Variants in TNKS observed in about 807,000 individuals in gnomAD.
TNKS encodes the protein tankyrase.
In TNKS, 72 loss-of-function variants were observed where a neutral mutation model predicts 135.8. That is an observed-to-expected ratio of 0.53 (90% CI 0.44 to 0.64). TNKS has a LOEUF of 0.64. Among genes scored for constraint, TNKS ranks in the 30% least tolerant of loss-of-function variants. The pLI is 0.00. For missense variants in TNKS, 1,769 were observed against 1,674.0 expected, an observed-to-expected ratio of 1.06 and a Z score of -0.99; for synonymous variants, 849 against 649.3, an observed-to-expected ratio of 1.31 and a Z score of -4.68.
At chr8:9,662,873 G>A (rs1000611185) in intron 3 of TNKS, among the ~76,000 whole-genome samples, 1 of 152,160 alleles carries the variant, frequency 6.6e-6, no homozygotes, top group African/African-American at 2.4e-5. Flanking sequence ...CAGAATACTA[G>A]CCCCCATAGA....
At chr8:9,710,267 C>T in intron 11 of TNKS, 47 bp downstream of exon 11, 2 of 1,551,344 alleles carry the variant, frequency 1.3e-6, no homozygotes, top group Non-Finnish European at 1.8e-6. Flanking sequence ...ACTGAGCAGC[C>T]AGCTGCTCTT....
chr8:9,666,307 A>G (rs1029885620), intron 3 of TNKS, among the ~76,000 whole-genome samples: 2 of 152,260 alleles, frequency 1.3e-5, no homozygotes, highest in East Asian at 1.9e-4. Flanking sequence ...GAAGTTTACA[A>G]TTACATAGGA....
At position 9,556,466 on chromosome 8, in the gene TNKS, T is replaced by G. The variant is rs1585161345; in HGVS notation, c.527T>G (p.Val176Gly). Residue 176 changes from valine to glycine, a missense_variant, in exon 1 of 27, where the codon GTC becomes GGC. This residue lies in a region of TNKS where 450 missense variants were observed against 304.9 expected (regional missense o/e 1.48). Transcript: ENST00000310430. ...GPGAAGPGTG[V>G]PAVSGALREL... ...GGGGCAGCAGGACCTGGGACAGGGG[T>G]CCCAGCAGTGAGCGGGGCCCTACGG... The G allele has an allele frequency of 6.2e-7, 1 of 1,613,810 alleles. No individual in the cohort carries two copies. The highest frequency in any genetic ancestry group is 8.5e-7 in the Non-Finnish European group (1 of 1,180,002).
chr8:9,702,300 C>T (rs189100210), intron 5 of TNKS, among the ~76,000 whole-genome samples: 21 of 151,582 alleles, frequency 1.4e-4, no homozygotes, highest in South Asian at 4.2e-4. Context: ...GGCATGCATG[C>T]GTGTGCGTGC....
Position 9,641,496 on chromosome 8 carries a change from A to G in TNKS, c.994+25819A>G, listed in dbSNP as rs1045757676. Among the ~76,000 whole-genome samples, 3 of 145,386 alleles carry G rather than the reference A, an allele frequency of 2.1e-5. 1 individual carries two copies. Among genetic ancestry groups the G allele is most frequent in the African/African-American group, 7.7e-5 (3 of 39,198 alleles). On this transcript the variant is annotated intron_variant, in intron 3 of 26. Coordinates refer to ENST00000310430, the MANE Select transcript of TNKS (RefSeq NM_003747.3). ...ATAAGAGTCAATAAAAATACTTGAG[A>G]ATTTCTTAATTTTGTATAGGATATG...
intron 1 of TNKS, among the ~76,000 whole-genome samples, chr8:9,569,847 A>G (rs761797323): frequency 3.3e-5 from 5 of 151,472 alleles, no homozygotes; most frequent in African/African-American, 1.2e-4. Flanking sequence ...CATTGTGAAT[A>G]TTTTCCTGGC....
At chr8:9,596,065 C>T (rs1488085024) in intron 2 of TNKS, among the ~76,000 whole-genome samples, 1 of 152,176 alleles carries the variant, frequency 6.6e-6, no homozygotes, top group Non-Finnish European at 1.5e-5. Context: ...GAGCCATAAT[C>T]ACTTCATGGG....
At chr8:9,733,065 G>A (rs886603350) in intron 14 of TNKS, among the ~76,000 whole-genome samples, 19 of 151,998 alleles carry the variant, frequency 1.3e-4, no homozygotes, top group Middle Eastern at 3.2e-3. Context: ...AGAAACTTAG[G>A]AAAAAATCTT....
At position 9,603,039 on chromosome 8, in the gene TNKS, A is replaced by G. The variant is rs77110340; in HGVS notation, c.899-12543A>G. Among the ~76,000 whole-genome samples, 671 of 152,194 alleles carry G rather than the reference A, an allele frequency of 4.4e-3. 2 individuals are homozygous for G. The highest frequency in any genetic ancestry group is 0.015 in the African/African-American group (638 of 41,500). On this transcript the variant is annotated intron_variant, in intron 2 of 26. Transcript: ENST00000310430. ...TTACCAATAACTGAATCAACTATCA[A>G]TTTTTAAATTTAACTATGACTTTTT... is the stretch of plus-strand genomic sequence containing the variant.
At position 9,620,320 on chromosome 8, in the gene TNKS, C is replaced by G. The variant is rs180675387; in HGVS notation, c.994+4643C>G. On this transcript the variant is annotated intron_variant, in intron 3 of 26. Coordinates refer to ENST00000310430, the MANE Select transcript of TNKS (RefSeq NM_003747.3). Reference sequence around the variant, plus strand: ...CAGGTCTACCGTACTTTCAAATTCCCAATCTGACCGTTTCTTACCATCCTC... The same window carrying G: ...CAGGTCTACCGTACTTTCAAATTCCGAATCTGACCGTTTCTTACCATCCTC... 2.5e-3 allele frequency among the ~76,000 whole-genome samples: 377 copies of G among 152,248 alleles called. 2 individuals carry two copies. Among genetic ancestry groups the G allele is most frequent in the African/African-American group, 8.6e-3 (357 of 41,546 alleles).
intron 2 of TNKS, among the ~76,000 whole-genome samples, chr8:9,592,518 G>A (rs924324880): frequency 3.3e-5 from 5 of 152,268 alleles, no homozygotes; most frequent in Middle Eastern, 3.4e-3. Flanking sequence ...TCTGTGCACT[G>A]AGTATGTTTA....
chr8:9,679,688 A>G, intron 3 of TNKS: 2 of 408,390 alleles, frequency 4.9e-6, no homozygotes, highest in Non-Finnish European at 9.0e-6. Flanking sequence ...GTTTCTGGAC[A>G]CGAGATTTAG....
intron 17 of TNKS, among the ~76,000 whole-genome samples, chr8:9,740,515 C>G (rs1805886428): frequency 6.6e-6 from 1 of 152,118 alleles, no homozygotes; most frequent in Non-Finnish European, 1.5e-5. Flanking sequence ...GAGGACAAAT[C>G]TGAGTGAGGA....
chr8:9,648,537 AC>A, intron 3 of TNKS, among the ~76,000 whole-genome samples: 1 of 152,164 alleles, frequency 6.6e-6, no homozygotes, highest in Non-Finnish European at 1.5e-5. Flanking sequence ...TGGACAATAA[AC>A]CACTAACATA....
intron 26 of TNKS, among the ~76,000 whole-genome samples, chr8:9,773,297 A>G (rs1191371386): frequency 6.6e-6 from 1 of 151,932 alleles, no homozygotes; most frequent in African/African-American, 2.4e-5. Flanking sequence ...TTAAATAAAC[A>G]TATTCATATG....
chr8:9,688,967 A>G (rs557530398), intron 5 of TNKS, among the ~76,000 whole-genome samples: 39 of 152,224 alleles, frequency 2.6e-4, no homozygotes, highest in Admixed American at 5.9e-4. Context: ...GTCTGTACTT[A>G]GAAGGGCACT....
chr8:9,774,489 A>AATAC lies in TNKS; in HGVS notation c.3898-2150_3898-2147dup, dbSNP rs559656780. 7.2e-5 allele frequency among the ~76,000 whole-genome samples: 11 copies of AATAC among 152,278 alleles called. No homozygotes were observed. In the South Asian group the frequency reaches 2.3e-3, roughly 32 times the overall value. On this transcript the variant is annotated intron_variant, in intron 26 of 26. Coordinates refer to ENST00000310430, the MANE Select transcript of TNKS (RefSeq NM_003747.3). ...TGTGTATTTAAAAAATAAGTAAATA[A>AATAC]ATACATACATACATCCTACGCTGGT...
At chr8:9,716,363 G>C (rs1055265672) in intron 11 of TNKS, among the ~76,000 whole-genome samples, 2 of 152,116 alleles carry the variant, frequency 1.3e-5, no homozygotes, top group African/African-American at 2.4e-5. Flanking sequence ...ATCTTTTACA[G>C]TGTAAATAAT....
At chr8:9,566,997 A>C (rs1319563839) in intron 1 of TNKS, among the ~76,000 whole-genome samples, 2 of 152,202 alleles carry the variant, frequency 1.3e-5, no homozygotes, top group Non-Finnish European at 2.9e-5. Flanking sequence ...GTTGTCGTAA[A>C]ATCATTTGGT....
Sources: gnomAD v4.1 joint callset for allele counts (sites outside exome capture counted in the v4.1 genomes callset) on GRCh38, gnomAD v4.1.1 for gene constraint, gnomAD v4.1.1 regional missense constraint, MANE v1.5 for transcripts, NCBI Gene and HGNC (gene_info 2026-07-23, HGNC 2026-07-21) for gene names.